SDCCAG8: variants seen among roughly 807,000 people sequenced by gnomAD.
The protein encoded by SDCCAG8 is SHH signaling and ciliogenesis regulator SDCCAG8.
Under a neutral mutation model 101.8 loss-of-function variants are expected in SDCCAG8, and 74 were observed. That is an observed-to-expected ratio of 0.73 (90% confidence interval 0.60 to 0.88). The LOEUF is 0.88. SDCCAG8 is among the 40% of genes least tolerant of loss of function. The pLI is 0.00. For synonymous variants in SDCCAG8, 281 were observed against 292.9 expected (o/e 0.96, Z 0.41); for missense variants, 787 against 822.6 (o/e 0.96, Z 0.53).
intron 16 of SDCCAG8, among the ~76,000 whole-genome samples, chr1:243,444,079 G>A (rs972628352): frequency 6.6e-6 from 1 of 152,068 alleles, no homozygotes; most frequent in African/African-American, 2.4e-5. Context: ...TTATTTGAAA[G>A]GATCATGTGT....
chr1:243,437,858 T>G (rs1410619136), intron 16 of SDCCAG8, among the ~76,000 whole-genome samples: 1 of 152,190 alleles, frequency 6.6e-6, no homozygotes, highest in Non-Finnish European at 1.5e-5. Flanking sequence ...TTTTTAAACA[T>G]TAACCATCAC....
At chr1:243,302,879 G>C (rs1241002228) in intron 6 of SDCCAG8, among the ~76,000 whole-genome samples, 1 of 152,210 alleles carries the variant, frequency 6.6e-6, no homozygotes, top group Non-Finnish European at 1.5e-5. Context: ...GAAAGTGTGA[G>C]AGGATTACAG....
At chr1:243,415,570 C>T (rs1195600924) in intron 13 of SDCCAG8, 132 bp from the exon 14 acceptor site, 4 of 1,238,970 alleles carry the variant, frequency 3.2e-6, no homozygotes, top group Non-Finnish European at 4.7e-6. Context: ...GGGGGAGGGT[C>T]ATTAGAAAGG....
At chr1:243,373,906 G>C (rs2077446646) in intron 12 of SDCCAG8, among the ~76,000 whole-genome samples, 1 of 152,034 alleles carries the variant, frequency 6.6e-6, no homozygotes. Context: ...GTATTATCCT[G>C]TATTTGAGGA....
intron 12 of SDCCAG8, among the ~76,000 whole-genome samples, chr1:243,362,710 C>T (rs1573568308): frequency 6.6e-6 from 1 of 152,186 alleles, no homozygotes; most frequent in Non-Finnish European, 1.5e-5. Context: ...CATTGCTTTC[C>T]AGAGTCGTGA....
chr1:243,493,252 A>C (rs561467519), intron 17 of SDCCAG8, among the ~76,000 whole-genome samples: 1 of 145,928 alleles, frequency 6.9e-6, no homozygotes, highest in Non-Finnish European at 1.5e-5. Context: ...ATTCGGGGTG[A>C]GGGTGGTGGG....
chr1:243,471,383 G>A lies in SDCCAG8; in HGVS notation c.1986-17631G>A, dbSNP rs563305884. On this transcript the variant is annotated intron_variant, in intron 16 of 17. Transcript: ENST00000366541. ...ATGTATTCTTCATTTAATGTTCTTC[G>A]AACTCTGAGACTTGACTCGGAACTT... 5.9e-5 allele frequency among the ~76,000 whole-genome samples: 9 copies of A among 152,174 alleles called. No individual in the cohort carries two copies. In the East Asian group the frequency reaches 7.7e-4, roughly 13 times the overall value.
At chr1:243,341,800 A>G (rs2075396539) in intron 11 of SDCCAG8, among the ~76,000 whole-genome samples, 1 of 152,218 alleles carries the variant, frequency 6.6e-6, no homozygotes, top group African/African-American at 2.4e-5. Flanking sequence ...TAAGATACAT[A>G]TTGTAAGAAA....
intron 1 of SDCCAG8, among the ~76,000 whole-genome samples, chr1:243,259,362 G>A (rs193045402): frequency 2.6e-5 from 4 of 151,948 alleles, no homozygotes; most frequent in East Asian, 1.9e-4. Flanking sequence ...AGCCGAGATC[G>A]CGCCACTGCA....
chr1:243,353,516 A>AAAAAAAAAAAAAAAAAG (rs1157553014), intron 12 of SDCCAG8, among the ~76,000 whole-genome samples: 1 of 148,514 alleles, frequency 6.7e-6, no homozygotes, highest in Non-Finnish European at 1.5e-5. Context: ...AAAAAAAAAA[A>AAAAAAAAAAAAAAAAAG]AAAAAAAGAA....
chr1:243,315,899 T>A (rs1046240437), intron 8 of SDCCAG8, among the ~76,000 whole-genome samples: 2 of 152,246 alleles, frequency 1.3e-5, no homozygotes, highest in Non-Finnish European at 2.9e-5. Context: ...TTGCTTTTTA[T>A]GTCTTGAAAG....
At chr1:243,344,798 G>A (rs974719211) in intron 12 of SDCCAG8, among the ~76,000 whole-genome samples, 2 of 152,156 alleles carry the variant, frequency 1.3e-5, no homozygotes, top group African/African-American at 4.8e-5. Flanking sequence ...CCATGAATAC[G>A]TTTGTTCATG....
At chr1:243,463,849 A>G (rs1419783600) in intron 16 of SDCCAG8, among the ~76,000 whole-genome samples, 1 of 152,092 alleles carries the variant, frequency 6.6e-6, no homozygotes, top group Non-Finnish European at 1.5e-5. Flanking sequence ...CCAGTAGGGC[A>G]CATGGCCACA....
At chr1:243,316,216 T>A (rs1390891765) in intron 8 of SDCCAG8, among the ~76,000 whole-genome samples, 1 of 152,176 alleles carries the variant, frequency 6.6e-6, no homozygotes, top group African/African-American at 2.4e-5. Flanking sequence ...ACAGTACTAA[T>A]CATTGAGCAA....
At chr1:243,468,380 G>T (rs1660563791) in intron 16 of SDCCAG8, among the ~76,000 whole-genome samples, 1 of 152,028 alleles carries the variant, frequency 6.6e-6, no homozygotes, top group Non-Finnish European at 1.5e-5. Flanking sequence ...ATCATGCCTG[G>T]CTAATTTTTG....
chr1:243,411,401 G>A (rs1205311800), intron 13 of SDCCAG8, among the ~76,000 whole-genome samples: 1 of 152,142 alleles, frequency 6.6e-6, no homozygotes, highest in Non-Finnish European at 1.5e-5. Flanking sequence ...ACAGGTGTAA[G>A]CCACTGATTT....
intron 4 of SDCCAG8, among the ~76,000 whole-genome samples, 198 bp from the exon 5 acceptor site, chr1:243,286,073 GC>G (rs1173006524): frequency 6.6e-6 from 1 of 152,174 alleles, no homozygotes; most frequent in African/African-American, 2.4e-5. Context: ...CCACCAGCAG[GC>G]CCATTACTAT....
intron 17 of SDCCAG8, among the ~76,000 whole-genome samples, chr1:243,496,547 A>AG (rs59626288): frequency 0.012 from 1,753 of 152,270 alleles, 28 homozygotes; most frequent in African/African-American, 0.04. Flanking sequence ...AGCGGACAGC[A>AG]GGGGGGGAAG....
intron 1 of SDCCAG8, among the ~76,000 whole-genome samples, chr1:243,266,484 C>A (rs1251190239): frequency 1.3e-5 from 2 of 151,868 alleles, no homozygotes; most frequent in African/African-American, 4.8e-5. Context: ...AACCTGCCAA[C>A]CTTTTTTGTA....
Sources: allele counts gnomAD v4.1 joint callset (sites outside exome capture counted in the v4.1 genomes callset), GRCh38; gene constraint gnomAD v4.1.1; transcripts MANE v1.5; gene names NCBI Gene and HGNC (gene_info 2026-07-23, HGNC 2026-07-21).